Variants in ACYP2 observed in about 807,000 individuals in gnomAD.
ACYP2 encodes the protein acylphosphatase 2, also known as acylphosphatase-2.
Under a neutral mutation model 11.2 loss-of-function variants are expected in ACYP2, and 12 were observed. That is an observed-to-expected ratio of 1.08 (90% CI 0.69 to 1.74). The LOEUF (loss-of-function observed/expected upper bound fraction) is 1.74, where lower values mean the gene tolerates loss of function less well. ACYP2 is among the 40% of genes most tolerant of loss of function. The probability of loss-of-function intolerance (pLI) is 0.00; values close to 1 mark genes in which losing one functional copy is unlikely to be tolerated. For missense variants in ACYP2, 134 were observed against 101.9 expected (o/e 1.31, Z -1.35); for synonymous variants, 43 against 32.2 (o/e 1.33, Z -1.13).
chr2:54,189,589 T>G (rs75699913), intron 6 of ACYP2, among the ~76,000 whole-genome samples: 47 of 51,866 alleles, frequency 9.1e-4, no homozygotes, highest in African/African-American at 2.1e-3. Context: ...TATATCTGTG[T>G]TTTTTTTCCA....
chr2:54,006,082 C>A (rs917170463), intron 2 of ACYP2, among the ~76,000 whole-genome samples: 2 of 152,140 alleles, frequency 1.3e-5, no homozygotes, highest in African/African-American at 4.8e-5. Flanking sequence ...CTCCTGGGAT[C>A]AAGTGTTCCT....
intron 6 of ACYP2, among the ~76,000 whole-genome samples, chr2:54,188,676 A>G (rs984989998): frequency 6.6e-6 from 1 of 152,206 alleles, no homozygotes; most frequent in East Asian, 1.9e-4. Flanking sequence ...GAAACAAACC[A>G]TACAGCCTTG....
intron 2 of ACYP2, among the ~76,000 whole-genome samples, chr2:53,974,470 T>C (rs938649871): frequency 6.6e-6 from 1 of 152,142 alleles, no homozygotes; most frequent in African/African-American, 2.4e-5. Flanking sequence ...ACAATGAGAA[T>C]TATAGGGAAG....
At chr2:54,058,255 A>G (rs1028098815) in intron 4 of ACYP2, among the ~76,000 whole-genome samples, 46 of 151,428 alleles carry the variant, frequency 3.0e-4, no homozygotes, top group African/African-American at 1.1e-3. Context: ...AGTTTGTTTT[A>G]TCAAAGTAGT....
At position 54,251,714 on chromosome 2, in the gene ACYP2, G is replaced by A. The variant is rs558354056; in HGVS notation, c.405-52974G>A. On this transcript the variant is annotated intron_variant, in intron 6 of 6. Transcript: ENST00000607452. The stretch of plus-strand genomic sequence containing the variant: ...AGCCTTGGAAGACCATGTCTCCAGA[G>A]CAAAGGGCAGGTGTGCTTATAGTCT... 7.2e-5 allele frequency among the ~76,000 whole-genome samples: 11 copies of A among 152,316 alleles called. No individual in the cohort carries two copies. The East Asian group carries it at 1.9e-3, about 27-fold the overall frequency.
chr2:54,037,342 T>C (rs1674956272), intron 2 of ACYP2, among the ~76,000 whole-genome samples: 1 of 152,168 alleles, frequency 6.6e-6, no homozygotes, highest in Admixed American at 6.6e-5. Flanking sequence ...CTCAAACTCC[T>C]GTTCTCAAGT....
chr2:54,056,001 C>T (rs1214754593), intron 3 of ACYP2, among the ~76,000 whole-genome samples: 1 of 152,160 alleles, frequency 6.6e-6, no homozygotes, highest in Non-Finnish European at 1.5e-5. Context: ...TCCATGGAAA[C>T]CTAAGCTCAG....
rs116771705 is a variant in ACYP2, at chr2:54,177,057, G to C, written c.404+38309G>C. 6.0e-3 allele frequency among the ~76,000 whole-genome samples: 915 copies of C among 152,310 alleles called. 9 individuals are homozygous for C. The highest frequency in any genetic ancestry group is 0.021 in the African/African-American group (866 of 41,560). Reference sequence around the variant, plus strand: ...CTGACCTATGACATATACAGATTTAGAGATTTGGGATTATAATACTTTGTT... The same window carrying C: ...CTGACCTATGACATATACAGATTTACAGATTTGGGATTATAATACTTTGTT... On this transcript the variant is annotated intron_variant, in intron 6 of 6. Coordinates refer to ENST00000607452, the MANE Select transcript of ACYP2 (RefSeq NM_001320586.2).
rs542731328 is a variant in ACYP2 at position 54,267,047 on chromosome 2, G to T, written c.405-37641G>T. Among the ~76,000 whole-genome samples, 71 of 152,324 alleles carry T rather than the reference G, an allele frequency of 4.7e-4. 1 individual carries two copies. In the South Asian group the frequency reaches 0.015, roughly 31 times the overall value. On this transcript the variant is annotated intron_variant, in intron 6 of 6. Transcript: ENST00000607452. ...CTCTGAGCCATTCTCAGCTACAAAA[G>T]AGGGTTAGTAATTCTTATCTCTTGT...
chr2:54,041,327 G>T (rs1226444631), intron 2 of ACYP2, among the ~76,000 whole-genome samples: 1 of 152,162 alleles, frequency 6.6e-6, no homozygotes, highest in Non-Finnish European at 1.5e-5. Context: ...TGATGCAGCG[G>T]TGGGTGTTTG....
At chr2:54,266,113 G>A (rs10205866) in intron 6 of ACYP2, among the ~76,000 whole-genome samples, 28,583 of 152,054 alleles carry the variant, frequency 0.19, 2,773 homozygotes, top group African/African-American at 0.24. Flanking sequence ...GGTCAAAAAG[G>A]AAATAAATAA....
chr2:54,294,895 G>A (rs901635831), intron 6 of ACYP2, among the ~76,000 whole-genome samples: 1 of 147,816 alleles, frequency 6.8e-6, no homozygotes, highest in East Asian at 2.0e-4. Context: ...CAGCCTGGGT[G>A]ACAGAGTAAG....
At chr2:54,029,898 G>T in intron 2 of ACYP2, 1 of 254,810 alleles carries the variant, frequency 3.9e-6, no homozygotes, top group South Asian at 6.5e-5. Flanking sequence ...GTCCGGCTGT[G>T]TTTTCTCGAG....
intron 4 of ACYP2, among the ~76,000 whole-genome samples, chr2:54,089,632 CA>C (rs1328056027): frequency 6.6e-6 from 1 of 151,682 alleles, no homozygotes; most frequent in African/African-American, 2.4e-5. Flanking sequence ...CCCAGCTACT[CA>C]GGGGGCTGAG....
intron 4 of ACYP2, among the ~76,000 whole-genome samples, chr2:54,095,778 G>A (rs1458944763): frequency 7.4e-6 from 1 of 134,298 alleles, no homozygotes. Flanking sequence ...GCGGCTGGCC[G>A]GGCAGGGGGT....
chr2:54,272,620 A>T (rs1156993291), intron 6 of ACYP2, among the ~76,000 whole-genome samples: 1 of 152,252 alleles, frequency 6.6e-6, no homozygotes, highest in Non-Finnish European at 1.5e-5. Flanking sequence ...CATTGTACCA[A>T]TGATGTCCTC....
chr2:54,017,811 G>T (rs1005927855), intron 2 of ACYP2, among the ~76,000 whole-genome samples: 3 of 138,310 alleles, frequency 2.2e-5, no homozygotes, highest in Non-Finnish European at 5.0e-5. Flanking sequence ...TTGGTAGTCA[G>T]GGGTGAGTGG....
rs146829695 is a variant in ACYP2 at position 54,170,798 on chromosome 2, G to A, written c.404+32050G>A. On this transcript the variant is annotated intron_variant, in intron 6 of 6. Transcript: ENST00000607452. ...TTTTGGTCTCTTGACCTTATCTGAA[G>A]GCCTGGAACTCCTGTAATGAAGTAG... Among the ~76,000 whole-genome samples the A allele has an allele frequency of 2.5e-4, 38 of 152,220 alleles. 1 individual carries two copies. The East Asian group carries it at 7.3e-3, about 29-fold the overall frequency.
At chr2:54,192,220 A>AT (rs1258368905) in intron 6 of ACYP2, among the ~76,000 whole-genome samples, 2 of 151,876 alleles carry the variant, frequency 1.3e-5, no homozygotes, top group African/African-American at 4.8e-5. Context: ...CTTGGGAAAT[A>AT]TTTTTTTCTC....
Sources: allele counts gnomAD v4.1 joint callset (sites outside exome capture counted in the v4.1 genomes callset), GRCh38; gene constraint gnomAD v4.1.1; transcripts MANE v1.5; gene names NCBI Gene and HGNC (gene_info 2026-07-23, HGNC 2026-07-21).